RBFOX1: variants seen among roughly 807,000 people sequenced by gnomAD.
The protein encoded by RBFOX1 is RNA binding fox-1 homolog 1.
A neutral mutation model predicts 57.7 loss-of-function variants in RBFOX1; 8 were observed. The ratio of observed to expected loss-of-function variants is 0.14; its 90% CI spans 0.08 to 0.25. The LOEUF (loss-of-function observed/expected upper bound fraction) is 0.25, where lower values mean the gene tolerates loss of function less well. RBFOX1 is among the 10% of genes least tolerant of loss of function. The pLI is 1.00. For missense variants in RBFOX1, 611 were observed against 548.5 expected, an observed-to-expected ratio of 1.11 and a Z score of -1.14; for synonymous variants, 326 against 222.4, an observed-to-expected ratio of 1.47 and a Z score of -4.15.
chr16:6,658,977 T>C (rs1424215691), intron 3 of RBFOX1, among the ~76,000 whole-genome samples: 6 of 151,138 alleles, frequency 4.0e-5, no homozygotes, highest in East Asian at 2.0e-4. Context: ...GTGAACGTTG[T>C]GGAGCTAATG....
At chr16:6,966,216 C>A (rs528998848) in intron 3 of RBFOX1, among the ~76,000 whole-genome samples, 1 of 152,058 alleles carries the variant, frequency 6.6e-6, no homozygotes, top group Non-Finnish European at 1.5e-5. Flanking sequence ...CCTCTCTGTC[C>A]CAGCTTCTCA....
At chr16:6,687,651 A>G (rs2059625892) in intron 3 of RBFOX1, among the ~76,000 whole-genome samples, 1 of 152,162 alleles carries the variant, frequency 6.6e-6, no homozygotes, top group Non-Finnish European at 1.5e-5. Context: ...GCCAGGATTC[A>G]GGCTGCTCCT....
intron 2 of RBFOX1, chr16:6,483,525 T>C (rs1038296219): frequency 1.3e-6 from 2 of 1,535,460 alleles, no homozygotes; most frequent in Non-Finnish European, 1.7e-6. Context: ...CTAATTGCAG[T>C]CGTGGGAGAT....
intron 2 of RBFOX1, among the ~76,000 whole-genome samples, chr16:6,634,065 C>CTACACACACACA (rs541887337): frequency 5.4e-5 from 8 of 148,838 alleles, no homozygotes; most frequent in African/African-American, 2.0e-4. Flanking sequence ...TTGAATAAAC[C>CTACACACACACA]TACACACACA....
chr16:7,127,495 G>C (rs1424097485), intron 4 of RBFOX1, among the ~76,000 whole-genome samples: 1 of 152,202 alleles, frequency 6.6e-6, no homozygotes, highest in Non-Finnish European at 1.5e-5. Context: ...AGCAGTTTTT[G>C]ATGACAGGGA....
chr16:6,237,929 A>G (rs1357715530), intron 1 of RBFOX1, among the ~76,000 whole-genome samples: 1 of 151,760 alleles, frequency 6.6e-6, no homozygotes, highest in African/African-American at 2.4e-5. Flanking sequence ...TGCCTCTACA[A>G]AAAGTACAAA....
At chr16:6,161,419 C>T (rs537585197) in intron 1 of RBFOX1, among the ~76,000 whole-genome samples, 4 of 150,980 alleles carry the variant, frequency 2.6e-5, no homozygotes, top group South Asian at 2.1e-4. Flanking sequence ...TTGATTAGTT[C>T]GTCAGTAAAT....
intron 1 of RBFOX1, among the ~76,000 whole-genome samples, chr16:6,157,273 A>G (rs2096845068): frequency 1.3e-5 from 2 of 152,236 alleles, no homozygotes; most frequent in African/African-American, 4.8e-5. Flanking sequence ...CACAGCAAAC[A>G]GGTGGCCAAG....
intron 14 of RBFOX1, among the ~76,000 whole-genome samples, chr16:7,700,049 G>A (rs2080154420): frequency 1.3e-5 from 2 of 152,072 alleles, no homozygotes; most frequent in Non-Finnish European, 2.9e-5. Flanking sequence ...TCAGGGCCCA[G>A]AACCTCCCTA....
intron 3 of RBFOX1, among the ~76,000 whole-genome samples, chr16:6,712,939 C>G (rs1323361573): frequency 1.9e-5 from 2 of 107,430 alleles, no homozygotes; most frequent in Admixed American, 1.3e-4. Flanking sequence ...GTGAATAACT[C>G]TCATGGGATC....
intron 3 of RBFOX1, among the ~76,000 whole-genome samples, chr16:6,796,669 G>A (rs78015323): frequency 6.6e-6 from 1 of 151,984 alleles, no homozygotes; most frequent in Admixed American, 6.6e-5. Flanking sequence ...TCTTAAATAT[G>A]TACAGATGTT....
chr16:6,019,136 C>T lies in RBFOX1; in HGVS notation c.-983C>T. ...ACACATTTTCTCGCGCTCTCTCCGG[C>T]TCTCCTTTGTTTATTTTCTAATCTA... is the stretch of plus-strand genomic sequence containing the variant. On this transcript the variant is annotated 5_prime_UTR_variant, in exon 1 of 16. Transcript: ENST00000550418. The surrounding 1 kb of genome is among the most constrained non-coding windows in gnomAD (Gnocchi z 4.2). 2 of 985,070 alleles carry T rather than the reference C, an allele frequency of 2.0e-6. No individual in the cohort carries two copies. The highest frequency in any genetic ancestry group is 2.4e-6 in the Non-Finnish European group (2 of 829,914). 61.0% of individuals were successfully genotyped at this position (985,070 alleles called of 1,614,324 possible). A position where few individuals can be genotyped will look rare whatever the true frequency, so the allele number is the denominator to read the frequency against.
At chr16:7,474,249 T>C (rs1007836212) in intron 4 of RBFOX1, among the ~76,000 whole-genome samples, 6 of 152,140 alleles carry the variant, frequency 3.9e-5, no homozygotes, top group African/African-American at 1.4e-4. Context: ...ATCGCGCCAT[T>C]GCACTCCAGC....
At position 5,859,728 on chromosome 16, in the gene RBFOX1, A is replaced by T. The variant is rs553359674; in HGVS notation, c.319-7575A>T. On this transcript the variant is annotated intron_variant, in intron 3 of 19. Coordinates refer to the RBFOX1 transcript ENST00000641259. The stretch of plus-strand genomic sequence containing the variant: ...TCTTACAGCAGTCTTATAAAATGCT[A>T]TTTCCATTTTACAGGTATAAAATTA... Among the ~76,000 whole-genome samples, 6 of 152,356 alleles carry T rather than the reference A, an allele frequency of 3.9e-5. No individual in the cohort carries two copies. The South Asian group carries it at 1.2e-3, about 32-fold the overall frequency.
intron 13 of RBFOX1, among the ~76,000 whole-genome samples, chr16:7,673,020 C>T (rs1330225736): frequency 1.3e-5 from 2 of 151,886 alleles, no homozygotes; most frequent in Admixed American, 6.6e-5. Context: ...AGACTTGACC[C>T]TTGCATATTT....
At chr16:5,288,631 T>TC in intron 1 of RBFOX1, among the ~76,000 whole-genome samples, 1 of 5,428 alleles carries the variant, frequency 1.8e-4, no homozygotes, top group East Asian at 5.5e-3. Context: ...CCTTTCCTTT[T>TC]CTTTTTTTTT....
Position 7,412,289 on chromosome 16 carries a change from C to T in RBFOX1, c.28-105858C>T, listed in dbSNP as rs1002303507. On this transcript the variant is annotated intron_variant, in intron 4 of 15. Transcript: ENST00000550418. ...AATTAGCCAGGCGTGGTGGCGTGTG[C>T]CTGTAATCTCAGCTCCTCATGAGGC... 2.6e-5 allele frequency among the ~76,000 whole-genome samples: 4 copies of T among 151,954 alleles called. No homozygotes were observed. In the East Asian group the frequency reaches 7.8e-4, roughly 30 times the overall value.
chr16:5,509,111 A>G (rs997349186), intron 2 of RBFOX1, among the ~76,000 whole-genome samples: 3 of 152,214 alleles, frequency 2.0e-5, no homozygotes, highest in African/African-American at 4.8e-5. Flanking sequence ...TCAGAGGCAC[A>G]GTGTGAGATG....
intron 2 of RBFOX1, among the ~76,000 whole-genome samples, chr16:6,397,990 A>T (rs748409711): frequency 2.0e-5 from 3 of 152,234 alleles, no homozygotes; most frequent in African/African-American, 4.8e-5. Flanking sequence ...AACAATAGTA[A>T]CAAAAAGCAA....
Sources: allele counts gnomAD v4.1 joint callset (sites outside exome capture counted in the v4.1 genomes callset), GRCh38; gene constraint gnomAD v4.1.1; non-coding constraint Gnocchi (gnomAD v3.1); transcripts MANE v1.5; gene names NCBI Gene and HGNC (gene_info 2026-07-23, HGNC 2026-07-21).